The following ANO1 variants were observed in gnomAD, a reference collection of about 807,000 sequenced individuals.
ANO1 encodes the protein anoctamin-1.
Under a neutral mutation model 124.0 loss-of-function variants are expected in ANO1, and 59 were observed. The ratio of observed to expected loss-of-function variants is 0.48; its 90% CI spans 0.39 to 0.59. ANO1 has a LOEUF of 0.59. Among genes scored for constraint, ANO1 ranks in the 20% least tolerant of loss-of-function variants. ANO1 has a pLI of 0.00. For synonymous variants in ANO1, 529 were observed against 532.0 expected, an observed-to-expected ratio of 0.99 and a Z score of 0.08; for missense variants, 1,059 against 1,328.0, an observed-to-expected ratio of 0.80 and a Z score of 3.15.
intron 11 of ANO1, among the ~76,000 whole-genome samples, chr11:70,148,054 G>T (rs144969944): frequency 6.6e-6 from 1 of 152,168 alleles, no homozygotes; most frequent in African/African-American, 2.4e-5. Context: ...TTCGCACCTC[G>T]CCTTAAAGGG....
At chr11:70,088,316 C>T (rs549097919) in intron 2 of ANO1, among the ~76,000 whole-genome samples, 6 of 152,092 alleles carry the variant, frequency 3.9e-5, no homozygotes, top group Non-Finnish European at 8.8e-5. Context: ...TCGAGGCCAT[C>T]CTGGCCAACA....
At chr11:70,007,546 C>T (rs540969782) in intron 1 of ANO1, among the ~76,000 whole-genome samples, 31 of 152,308 alleles carry the variant, frequency 2.0e-4, no homozygotes, top group African/African-American at 6.3e-4. Flanking sequence ...TCCCAAAGTG[C>T]TGGGATTACA....
At position 70,069,154 on chromosome 11, in the gene ANO1, T is replaced by C. The variant is rs566328158; in HGVS notation, c.59-9388T>C. ...GGGGTTCTTTGCTTTTACCCTGGTT[T>C]CCTTTGGGAAAGAATTGGAAGCCCC... On this transcript the variant is annotated intron_variant, in intron 1 of 27. Transcript: ENST00000531349. Among the ~76,000 whole-genome samples, 5 of 152,330 alleles carry C rather than the reference T, an allele frequency of 3.3e-5. No individual in the cohort carries two copies. The South Asian group carries it at 1.0e-3, about 32-fold the overall frequency.
chr11:70,035,033 G>T (rs1857070020), intron 1 of ANO1, among the ~76,000 whole-genome samples: 1 of 152,010 alleles, frequency 6.6e-6, no homozygotes, highest in African/African-American at 2.4e-5. Flanking sequence ...GACCCCATGG[G>T]ACTCGGTGCT....
chr11:70,036,919 T>C (rs1857103586), intron 1 of ANO1, among the ~76,000 whole-genome samples: 1 of 152,256 alleles, frequency 6.6e-6, no homozygotes, highest in African/African-American at 2.4e-5. Context: ...TATGTGGTTT[T>C]TTACATGCCT....
intron 1 of ANO1, among the ~76,000 whole-genome samples, chr11:70,006,816 C>T (rs1312345572): frequency 6.6e-6 from 1 of 151,626 alleles, no homozygotes; most frequent in Admixed American, 6.6e-5. Context: ...ATCACAAGTG[C>T]CTACCACCAA....
chr11:70,070,805 C>G (rs543219372), intron 1 of ANO1, among the ~76,000 whole-genome samples: 1 of 152,152 alleles, frequency 6.6e-6, no homozygotes, highest in Admixed American at 6.5e-5. Flanking sequence ...CTGAATGAAC[C>G]CCTCACTCTA....
intron 10 of ANO1, among the ~76,000 whole-genome samples, chr11:70,128,518 C>G (rs113147325): frequency 1.2e-4 from 19 of 152,340 alleles, no homozygotes; most frequent in African/African-American, 4.6e-4. Flanking sequence ...CCAGCTCGGC[C>G]CTTCCACCAC....
intron 1 of ANO1, among the ~76,000 whole-genome samples, chr11:70,006,866 C>T (rs1856501084): frequency 6.6e-6 from 1 of 151,802 alleles, no homozygotes; most frequent in Non-Finnish European, 1.5e-5. Flanking sequence ...GAAGGGGTTT[C>T]GCCACGTTGG....
At chr11:70,028,454 TC>T (rs147426412) in intron 1 of ANO1, among the ~76,000 whole-genome samples, 13,579 of 149,684 alleles carry the variant, frequency 0.091, 946 homozygotes, top group East Asian at 0.34. Context: ...CCTTCTGCCC[TC>T]CCCCACCCCC....
At chr11:69,975,514 G>C in the ANO1 span, among the ~76,000 whole-genome samples, 8 of 152,370 alleles carry the variant, frequency 5.3e-5, no homozygotes, top group Non-Finnish European at 8.8e-5. Flanking sequence ...GCAAGCCCCT[G>C]AGGACCACCC....
At chr11:70,010,958 G>A (rs967236822) in intron 1 of ANO1, among the ~76,000 whole-genome samples, 5 of 152,186 alleles carry the variant, frequency 3.3e-5, no homozygotes, top group South Asian at 2.1e-4. Context: ...TGCCTGTCTC[G>A]CTCACTACTG....
the ANO1 span, among the ~76,000 whole-genome samples, chr11:69,967,037 T>A: frequency 6.6e-6 from 1 of 152,216 alleles, no homozygotes; most frequent in Non-Finnish European, 1.5e-5. Context: ...CTCCACGCAG[T>A]AGAGGCCAGT....
chr11:70,006,311 T>G (rs903462082), intron 1 of ANO1, among the ~76,000 whole-genome samples: 1 of 152,182 alleles, frequency 6.6e-6, no homozygotes, highest in Non-Finnish European at 1.5e-5. Flanking sequence ...CCTCCCATCA[T>G]GACATTTTAT....
chr11:69,991,248 A>G (rs1208672498), intron 1 of ANO1, among the ~76,000 whole-genome samples: 1 of 152,222 alleles, frequency 6.6e-6, no homozygotes, highest in Non-Finnish European at 1.5e-5. Context: ...TGAGCATGTT[A>G]ATAATTACAA....
chr11:69,995,824 A>G (rs782506730), intron 1 of ANO1, among the ~76,000 whole-genome samples: 8 of 152,136 alleles, frequency 5.3e-5, no homozygotes, highest in Non-Finnish European at 1.0e-4. Context: ...TGGAGATTTC[A>G]GGCCGGGCGC....
chr11:69,967,159 ACG>A, the ANO1 span, among the ~76,000 whole-genome samples: 31 of 21,804 alleles, frequency 1.4e-3, no homozygotes, highest in East Asian at 0.092. Context: ...TCTGTATCGC[ACG>A]TTAGCTAGCA....
At chr11:70,098,367 A>C (rs569854897) in intron 2 of ANO1, among the ~76,000 whole-genome samples, 2 of 152,200 alleles carry the variant, frequency 1.3e-5, no homozygotes, top group Non-Finnish European at 2.9e-5. Context: ...TGTGCACAGC[A>C]CACACCCATG....
At chr11:69,992,647 A>C (rs528002924) in intron 1 of ANO1, among the ~76,000 whole-genome samples, 1 of 152,292 alleles carries the variant, frequency 6.6e-6, no homozygotes, top group Non-Finnish European at 1.5e-5. Flanking sequence ...TCACTAATTC[A>C]GCTGCTGCCT....
Sources: gnomAD v4.1 joint callset for allele counts (sites outside exome capture counted in the v4.1 genomes callset) on GRCh38, gnomAD v4.1.1 for gene constraint, MANE v1.5 for transcripts, NCBI Gene and HGNC (gene_info 2026-07-23, HGNC 2026-07-21) for gene names.